PPP2R3A: variants seen among roughly 807,000 people sequenced by gnomAD.
The protein encoded by PPP2R3A is serine/threonine-protein phosphatase 2A regulatory subunit B'' subunit alpha.
PPP2R3A carries 80 observed loss-of-function variants against 106.9 expected under a neutral mutation model. The ratio of observed to expected loss-of-function variants is 0.75; its 90% confidence interval spans 0.62 to 0.90. The LOEUF (loss-of-function observed/expected upper bound fraction) is 0.90, where lower values mean the gene tolerates loss of function less well. Among genes scored for constraint, PPP2R3A ranks in the 40% least tolerant of loss-of-function variants. PPP2R3A has a pLI of 0.00. For synonymous variants in PPP2R3A, 483 were observed against 468.3 expected, an observed-to-expected ratio of 1.03 and a Z score of -0.41; for missense variants, 1,386 against 1,350.4, an observed-to-expected ratio of 1.03 and a Z score of -0.41.
intron 5 of PPP2R3A, among the ~76,000 whole-genome samples, chr3:136,065,522 C>T (rs1456623067): frequency 3.3e-5 from 5 of 151,728 alleles, no homozygotes; most frequent in Non-Finnish European, 7.4e-5. Flanking sequence ...CCTTATGTAC[C>T]CCTCACCTAG....
intron 12 of PPP2R3A, 22 bp downstream of exon 12, chr3:136,103,398 T>C: frequency 1.3e-6 from 2 of 1,512,014 alleles, no homozygotes; most frequent in African/African-American, 1.4e-5. Flanking sequence ...ATTTTAACTT[T>C]TATTTGAGGG....
chr3:136,081,863 A>G (rs1198818947), intron 7 of PPP2R3A, among the ~76,000 whole-genome samples: 1 of 152,252 alleles, frequency 6.6e-6, no homozygotes, highest in East Asian at 1.9e-4. Flanking sequence ...GAAACCCTAT[A>G]TGTTGATGCC....
chr3:136,108,890 C>CTGAT (rs1314108030), intron 13 of PPP2R3A, among the ~76,000 whole-genome samples: 1 of 152,056 alleles, frequency 6.6e-6, no homozygotes, highest in African/African-American at 2.4e-5. Context: ...CATAAAGATG[C>CTGAT]TGATAGATAT....
intron 5 of PPP2R3A, among the ~76,000 whole-genome samples, chr3:136,059,461 G>T (rs756478063): frequency 6.6e-6 from 1 of 152,010 alleles, no homozygotes; most frequent in Non-Finnish European, 1.5e-5. Flanking sequence ...ATGTCTGTTG[G>T]TAAAAAGTCA....
At chr3:136,087,603 A>G (rs1936987241) in intron 8 of PPP2R3A, 5 of 278,576 alleles carry the variant, frequency 1.8e-5, no homozygotes, top group African/African-American at 4.4e-5. Flanking sequence ...GATAAGATCA[A>G]AACAAATCCT....
chr3:135,967,649 C>A (rs1937124909), intron 1 of PPP2R3A, among the ~76,000 whole-genome samples: 1 of 152,206 alleles, frequency 6.6e-6, no homozygotes, highest in African/African-American at 2.4e-5. Flanking sequence ...ATAGTCCCCA[C>A]TGATCTGGCC....
intron 2 of PPP2R3A, among the ~76,000 whole-genome samples, chr3:136,026,369 A>G (rs1178576643): frequency 6.6e-6 from 1 of 152,180 alleles, no homozygotes; most frequent in African/African-American, 2.4e-5. Context: ...AGAAGGTAAA[A>G]GGAGCCCCTT....
chr3:136,030,763 T>TAC (rs1294276283), intron 3 of PPP2R3A, among the ~76,000 whole-genome samples: 3 of 106,294 alleles, frequency 2.8e-5, no homozygotes, highest in Middle Eastern at 3.8e-3. Context: ...TTCCATCACA[T>TAC]ATATATATAT....
intron 2 of PPP2R3A, among the ~76,000 whole-genome samples, chr3:136,016,112 G>A (rs1934258750): frequency 6.6e-6 from 1 of 152,092 alleles, no homozygotes; most frequent in South Asian, 2.1e-4. Context: ...TAATTTCCAT[G>A]TATTTGCATG....
At position 136,002,083 on chromosome 3, in the gene PPP2R3A, G is replaced by A; in HGVS notation, c.585G>A (p.Thr195=). ...KPLSHRNSLD[T]NLTSMFLQNF... ...TGTCTCATAGAAACTCACTGGATAC[G>A]AACCTGACTTCCATGTTTCTTCAAA... Residue 195 remains threonine (T), a synonymous_variant, in exon 2 of 14, where the codon ACG becomes ACA. Transcript: ENST00000264977. The A allele has an allele frequency of 2.5e-6, 4 of 1,614,090 alleles. No homozygotes were observed. The highest frequency in any genetic ancestry group is 2.5e-6 in the Non-Finnish European group (3 of 1,180,006).
At chr3:136,016,955 C>T (rs959851161) in intron 2 of PPP2R3A, among the ~76,000 whole-genome samples, 17 of 152,142 alleles carry the variant, frequency 1.1e-4, no homozygotes, top group African/African-American at 3.9e-4. Context: ...TGGTGTATTT[C>T]GAGGTTTTGT....
intron 13 of PPP2R3A, among the ~76,000 whole-genome samples, chr3:136,140,091 T>C (rs1027158100): frequency 6.6e-6 from 1 of 152,106 alleles, no homozygotes; most frequent in Non-Finnish European, 1.5e-5. Flanking sequence ...AGTTCTGCTT[T>C]AATCCTCTGA....
chr3:136,038,624 C>T (rs573699370), intron 3 of PPP2R3A, among the ~76,000 whole-genome samples: 5 of 152,136 alleles, frequency 3.3e-5, no homozygotes, highest in Admixed American at 1.3e-4. Context: ...CCAGCGTCTC[C>T]GCACACCGTC....
At chr3:136,027,339 A>C (rs1475568202) in intron 3 of PPP2R3A, among the ~76,000 whole-genome samples, 1 of 152,162 alleles carries the variant, frequency 6.6e-6, no homozygotes, top group Non-Finnish European at 1.5e-5. Context: ...ATGCTTTCAG[A>C]GACTAGAAGC....
chr3:136,013,508 A>G (rs993168202), intron 2 of PPP2R3A, among the ~76,000 whole-genome samples: 1 of 151,990 alleles, frequency 6.6e-6, no homozygotes, highest in African/African-American at 2.4e-5. Context: ...CACCATGCCA[A>G]TATCTACTAT....
At position 135,965,965 on chromosome 3, in the gene PPP2R3A, C is replaced by T. The variant is rs563794186; in HGVS notation, c.-441+116C>T. ...AGGCCGGGGCGGGCGGGGCCGGGAC[C>T]TGGGGGCGGGGACCGGCCTGGCCAG... On this transcript the variant is annotated intron_variant, in intron 1 of 13. Coordinates refer to ENST00000264977, the MANE Select transcript of PPP2R3A (RefSeq NM_002718.5). 1,043 of 153,226 alleles carry T rather than the reference C, an allele frequency of 6.8e-3. 9 individuals are homozygous for T. Among genetic ancestry groups the T allele is most frequent in the African/African-American group, 0.023 (938 of 41,298 alleles). The allele number at this position is 153,226 out of a possible 1,614,324, so 9.5% of individuals were successfully genotyped here. A position where few individuals can be genotyped will look rare whatever the true frequency, so the allele number is the denominator to read the frequency against.
intron 1 of PPP2R3A, among the ~76,000 whole-genome samples, chr3:135,983,653 A>G (rs1211364987): frequency 6.6e-6 from 1 of 152,108 alleles, no homozygotes; most frequent in Non-Finnish European, 1.5e-5. Flanking sequence ...AGCCTTCTGC[A>G]TCTTCTATTT....
At chr3:136,030,081 A>G (rs1934814804) in intron 3 of PPP2R3A, among the ~76,000 whole-genome samples, 1 of 152,020 alleles carries the variant, frequency 6.6e-6, no homozygotes, top group Non-Finnish European at 1.5e-5. Flanking sequence ...GCCTGGGTGT[A>G]GTGACATGTG....
Position 135,991,767 on chromosome 3 carries a change from G to C in PPP2R3A, c.-440-9292G>C, listed in dbSNP as rs371173827. 2.0e-5 allele frequency among the ~76,000 whole-genome samples: 3 copies of C among 152,176 alleles called. No homozygotes were observed. The South Asian group carries it at 6.2e-4, about 31-fold the overall frequency. ...CTTGACCAAGTTACCCAGCTAGTCA[G>C]TGCAGAAGCTGACTGCCCACCTGGT... is the stretch of plus-strand genomic sequence containing the variant. On this transcript the variant is annotated intron_variant, in intron 1 of 13. Coordinates refer to ENST00000264977, the MANE Select transcript of PPP2R3A (RefSeq NM_002718.5).
Sources: allele counts gnomAD v4.1 joint callset (sites outside exome capture counted in the v4.1 genomes callset), GRCh38; gene constraint gnomAD v4.1.1; transcripts MANE v1.5; gene names NCBI Gene and HGNC (gene_info 2026-07-23, HGNC 2026-07-21).